Variants in MSI2 observed in about 807,000 individuals in gnomAD.
MSI2 encodes RNA-binding protein Musashi homolog 2.
MSI2 carries 17 observed loss-of-function variants against 45.6 expected under a neutral mutation model. The observed-to-expected ratio is 0.37, with a 90% CI of 0.26 to 0.56. MSI2 has a LOEUF of 0.56. Ranked by LOEUF, MSI2 falls within the 20% of genes least tolerant of loss-of-function variation. MSI2 has a pLI of 0.77. For synonymous variants in MSI2, 156 were observed against 158.2 expected, an observed-to-expected ratio of 0.99 and a Z score of 0.11; for missense variants, 293 against 444.2, an observed-to-expected ratio of 0.66 and a Z score of 3.06.
rs16958396 is a variant in MSI2, at chr17:57,441,870, T to G, written c.405+40399T>G. On this transcript the variant is annotated intron_variant, in intron 6 of 13. Transcript: ENST00000284073. ...AAAGATGATGCCTGCAGGGGTTTCT[T>G]TCATTATTATTTCACTATTTATTTC... is the stretch of plus-strand genomic sequence containing the variant. Among the ~76,000 whole-genome samples, 247 of 152,248 alleles carry G rather than the reference T, an allele frequency of 1.6e-3. 1 individual carries two copies. Among genetic ancestry groups the G allele is most frequent in the African/African-American group, 5.6e-3 (231 of 41,538 alleles).
chr17:57,689,126 A>G (rs1030031085), downstream of MSI2, among the ~76,000 whole-genome samples: 3 of 152,184 alleles, frequency 2.0e-5, no homozygotes, highest in Non-Finnish European at 4.4e-5. Flanking sequence ...AAGGGAATAC[A>G]AGAACGTCTG....
intron 6 of MSI2, among the ~76,000 whole-genome samples, chr17:57,416,629 C>T (rs1164241010): frequency 6.6e-6 from 1 of 152,186 alleles, no homozygotes; most frequent in Non-Finnish European, 1.5e-5. Flanking sequence ...CAAAGAGCGT[C>T]TCAGTTTGTT....
intron 6 of MSI2, among the ~76,000 whole-genome samples, chr17:57,405,686 C>G (rs759437564): frequency 1.3e-5 from 2 of 152,124 alleles, no homozygotes; most frequent in Non-Finnish European, 2.9e-5. Flanking sequence ...TGAGTAAGAG[C>G]CAGAAAAACT....
chr17:57,445,012 G>A (rs972300097), intron 6 of MSI2, among the ~76,000 whole-genome samples: 1 of 152,168 alleles, frequency 6.6e-6, no homozygotes, highest in Non-Finnish European at 1.5e-5. Context: ...TTTAAAAAGT[G>A]GAGTGTTAGC....
At chr17:57,423,474 A>C (rs1374653621) in intron 6 of MSI2, among the ~76,000 whole-genome samples, 2 of 152,172 alleles carry the variant, frequency 1.3e-5, no homozygotes, top group African/African-American at 2.4e-5. Flanking sequence ...GATCTCTTCC[A>C]GCCCTGTAGC....
At chr17:57,323,623 G>C (rs1329704042) in intron 5 of MSI2, among the ~76,000 whole-genome samples, 1 of 152,260 alleles carries the variant, frequency 6.6e-6, no homozygotes, top group African/African-American at 2.4e-5. Context: ...GCGCTGCCAA[G>C]CTCCGTGGAG....
At chr17:57,567,115 C>T (rs895914225) in intron 7 of MSI2, among the ~76,000 whole-genome samples, 7 of 152,108 alleles carry the variant, frequency 4.6e-5, no homozygotes, top group South Asian at 2.1e-4. Flanking sequence ...CATTCTGTCC[C>T]GCAGACAGGC....
At chr17:57,445,551 T>TGG (rs56827837) in intron 6 of MSI2, among the ~76,000 whole-genome samples, 2 of 149,660 alleles carry the variant, frequency 1.3e-5, no homozygotes, top group African/African-American at 5.0e-5. Context: ...GACAGGGCGG[T>TGG]GGGGGGGGGT....
intron 7 of MSI2, among the ~76,000 whole-genome samples, chr17:57,570,925 A>G (rs1313668535): frequency 6.6e-6 from 1 of 152,134 alleles, no homozygotes; most frequent in African/African-American, 2.4e-5. Flanking sequence ...GAGAAAGACC[A>G]GCATGGGAAG....
intron 5 of MSI2, among the ~76,000 whole-genome samples, chr17:57,389,375 G>A (rs1457979316): frequency 6.6e-6 from 1 of 152,108 alleles, no homozygotes; most frequent in Non-Finnish European, 1.5e-5. Flanking sequence ...TATCCTCCTT[G>A]CATCCCACAA....
chr17:57,402,768 G>C (rs2084016661), intron 6 of MSI2, among the ~76,000 whole-genome samples: 1 of 152,224 alleles, frequency 6.6e-6, no homozygotes, highest in African/African-American at 2.4e-5. Flanking sequence ...CTTGCATTCT[G>C]AGTGGCTCTG....
At chr17:57,613,272 A>G (rs2144548472) in intron 8 of MSI2, among the ~76,000 whole-genome samples, 1 of 152,262 alleles carries the variant, frequency 6.6e-6, no homozygotes, top group African/African-American at 2.4e-5. Context: ...TGATATATGC[A>G]CTTGTTTATT....
chr17:57,550,499 G>GT (rs1249957551), intron 7 of MSI2, among the ~76,000 whole-genome samples: 47 of 152,332 alleles, frequency 3.1e-4, no homozygotes, highest in African/African-American at 1.1e-3. Context: ...AAATAGCAAG[G>GT]TTTGGATTTG....
intron 5 of MSI2, among the ~76,000 whole-genome samples, chr17:57,376,050 T>A (rs1356313901): frequency 6.6e-6 from 1 of 152,176 alleles, no homozygotes; most frequent in Admixed American, 6.5e-5. Flanking sequence ...TGATCGGCTA[T>A]TGACGCCAAT....
intron 7 of MSI2, among the ~76,000 whole-genome samples, chr17:57,574,894 G>T (rs978913538): frequency 5.5e-5 from 8 of 144,766 alleles, no homozygotes. Context: ...GCAGTGGCAC[G>T]ATCTCAGCTC....
At position 57,479,394 on chromosome 17, in the gene MSI2, G is replaced by T. The variant is rs139924295; in HGVS notation, c.406-50282G>T. Among the ~76,000 whole-genome samples, 930 of 152,252 alleles carry T rather than the reference G, an allele frequency of 6.1e-3. 7 individuals carry two copies. The highest frequency in any genetic ancestry group is 0.021 in the African/African-American group (887 of 41,530). ...ATCATATTCCTGGACAATAAACCTG[G>T]CCTTTGGGTCTTAACTGTCTTCTCT... On this transcript the variant is annotated intron_variant, in intron 6 of 13. Coordinates refer to ENST00000284073, the MANE Select transcript of MSI2 (RefSeq NM_138962.4).
intron 5 of MSI2, among the ~76,000 whole-genome samples, chr17:57,363,466 G>A (rs115874998): frequency 0.01 from 1,532 of 152,330 alleles, 28 homozygotes; most frequent in African/African-American, 0.035. Context: ...GGCTGGGCAT[G>A]GTAGCTCACG....
intron 6 of MSI2, among the ~76,000 whole-genome samples, chr17:57,442,648 G>A (rs1335996540): frequency 6.6e-6 from 1 of 152,144 alleles, no homozygotes; most frequent in Non-Finnish European, 1.5e-5. Context: ...TGCCCAAGAT[G>A]AGACTGGATG....
At chr17:57,321,857 C>T (rs759909923) in intron 5 of MSI2, among the ~76,000 whole-genome samples, 3 of 151,894 alleles carry the variant, frequency 2.0e-5, no homozygotes, top group South Asian at 2.1e-4. Context: ...AGTGCCGTGG[C>T]GCGATCTTGG....
Sources: allele counts gnomAD v4.1 joint callset (sites outside exome capture counted in the v4.1 genomes callset), GRCh38; gene constraint gnomAD v4.1.1; transcripts MANE v1.5; gene names NCBI Gene and HGNC (gene_info 2026-07-23, HGNC 2026-07-21).